ARHGEF28: variants seen among roughly 807,000 people sequenced by gnomAD.
ARHGEF28 encodes the protein 190 kDa guanine nucleotide exchange factor.
In ARHGEF28, 152 loss-of-function variants were observed where a neutral mutation model predicts 206.6. The ratio of observed to expected loss-of-function variants is 0.74; its 90% CI spans 0.64 to 0.84. The LOEUF (loss-of-function observed/expected upper bound fraction) is 0.84. Among genes scored for constraint, ARHGEF28 ranks in the 40% least tolerant of loss-of-function variants. The probability of loss-of-function intolerance (pLI) is 0.00; values close to 1 mark genes in which losing one functional copy is unlikely to be tolerated. For missense variants in ARHGEF28, 2,028 were observed against 2,073.2 expected (o/e 0.98, Z 0.42); for synonymous variants, 763 against 776.4 (o/e 0.98, Z 0.29).
At chr5:73,807,144 T>TTAGGC (rs1343602891) in intron 9 of ARHGEF28, among the ~76,000 whole-genome samples, 1 of 151,740 alleles carries the variant, frequency 6.6e-6, no homozygotes, top group African/African-American at 2.4e-5. Flanking sequence ...TTCTTTCTCC[T>TTAGGC]TAGGCTATAC....
At chr5:73,847,690 T>C (rs1758449876) in intron 12 of ARHGEF28, among the ~76,000 whole-genome samples, 2 of 152,246 alleles carry the variant, frequency 1.3e-5, no homozygotes, top group Non-Finnish European at 2.9e-5. Flanking sequence ...ACCATAAATA[T>C]ATCTGCCTTG....
At chr5:73,810,154 A>G (rs1045082257) in intron 9 of ARHGEF28, among the ~76,000 whole-genome samples, 1 of 152,224 alleles carries the variant, frequency 6.6e-6, no homozygotes, top group African/African-American at 2.4e-5. Flanking sequence ...TTCACTTTCT[A>G]GTTGTATGTT....
intron 9 of ARHGEF28, among the ~76,000 whole-genome samples, chr5:73,817,947 G>A (rs1009374868): frequency 2.4e-4 from 37 of 152,182 alleles, no homozygotes; most frequent in African/African-American, 8.7e-4. Flanking sequence ...GGAGGAGCAA[G>A]ATGGTAGGGT....
intron 2 of ARHGEF28, among the ~76,000 whole-genome samples, chr5:73,722,434 G>T (rs905082083): frequency 1.3e-5 from 2 of 152,244 alleles, no homozygotes; most frequent in Non-Finnish European, 2.9e-5. Flanking sequence ...AAATGTTTGT[G>T]CTATGGATGA....
intron 2 of ARHGEF28, among the ~76,000 whole-genome samples, chr5:73,706,265 A>G (rs1748922749): frequency 6.6e-6 from 1 of 152,142 alleles, no homozygotes; most frequent in Non-Finnish European, 1.5e-5. Context: ...AATCGCTTGA[A>G]TCCGGGAGGC....
intron 16 of ARHGEF28, 75 bp downstream of exon 16, chr5:73,858,294 C>A: frequency 1.3e-6 from 2 of 1,491,188 alleles, no homozygotes; most frequent in South Asian, 2.9e-5. Flanking sequence ...GCTCATTGCT[C>A]AATACATTTA....
chr5:73,633,833 T>A (rs1175449232), intron 1 of ARHGEF28, among the ~76,000 whole-genome samples: 1 of 152,126 alleles, frequency 6.6e-6, no homozygotes, highest in East Asian at 1.9e-4. Context: ...CCCGTTGGCC[T>A]CCCAACGTGC....
chr5:73,662,485 C>A (rs1353079086), intron 1 of ARHGEF28, among the ~76,000 whole-genome samples: 1 of 152,080 alleles, frequency 6.6e-6, no homozygotes, highest in Non-Finnish European at 1.5e-5. Flanking sequence ...AAAGAGAAAA[C>A]CTTATTCTTT....
intron 35 of ARHGEF28, among the ~76,000 whole-genome samples, chr5:73,920,825 C>G (rs1763483665): frequency 6.6e-6 from 1 of 152,102 alleles, no homozygotes; most frequent in African/African-American, 2.4e-5. Context: ...AAATGTGTTT[C>G]CCATAAAATG....
intron 7 of ARHGEF28, among the ~76,000 whole-genome samples, chr5:73,792,975 T>G (rs922863228): frequency 1.3e-5 from 2 of 152,198 alleles, no homozygotes; most frequent in Admixed American, 1.3e-4. Context: ...CCGGCAGGGA[T>G]GCTGTGTACA....
chr5:73,770,420 G>A (rs1753159604), intron 4 of ARHGEF28, among the ~76,000 whole-genome samples: 1 of 152,142 alleles, frequency 6.6e-6, no homozygotes, highest in African/African-American at 2.4e-5. Flanking sequence ...CTCTCATGAT[G>A]TTATAGGTCG....
At chr5:73,698,851 G>A (rs1362991004) in intron 2 of ARHGEF28, among the ~76,000 whole-genome samples, 1 of 151,696 alleles carries the variant, frequency 6.6e-6, no homozygotes, top group Non-Finnish European at 1.5e-5. Context: ...GAGAAGGCGT[G>A]GTCTGAGAGA....
chr5:73,877,606 A>G (rs1170928862), intron 22 of ARHGEF28, among the ~76,000 whole-genome samples: 3 of 146,976 alleles, frequency 2.0e-5, no homozygotes, highest in Admixed American at 2.0e-4. Context: ...TGTCCCAGAG[A>G]TTCTGGTATG....
intron 4 of ARHGEF28, among the ~76,000 whole-genome samples, chr5:73,765,352 T>C (rs1561388062): frequency 6.6e-6 from 1 of 152,220 alleles, no homozygotes; most frequent in Admixed American, 6.5e-5. Context: ...TTTGACCTTT[T>C]CCTGGGCTAG....
At chr5:73,806,950 A>T (rs1174848644) in intron 9 of ARHGEF28, among the ~76,000 whole-genome samples, 1 of 148,314 alleles carries the variant, frequency 6.7e-6, no homozygotes, top group Non-Finnish European at 1.5e-5. Context: ...TTATATATAC[A>T]ATATTAAATC....
intron 4 of ARHGEF28, among the ~76,000 whole-genome samples, chr5:73,756,516 G>A (rs1394700827): frequency 6.6e-6 from 1 of 152,224 alleles, no homozygotes; most frequent in Admixed American, 6.5e-5. Context: ...TAATGCTCAT[G>A]TTTGAAGTCG....
At chr5:73,679,050 G>T (rs781199623) in intron 1 of ARHGEF28, among the ~76,000 whole-genome samples, 1 of 152,052 alleles carries the variant, frequency 6.6e-6, no homozygotes, top group East Asian at 1.9e-4. Context: ...CACCGTGCCC[G>T]GTTAATTTCA....
At chr5:73,749,153 A>T (rs928394316) in intron 2 of ARHGEF28, among the ~76,000 whole-genome samples, 5 of 152,160 alleles carry the variant, frequency 3.3e-5, no homozygotes, top group Admixed American at 6.5e-5. Context: ...CCCCTCAGAG[A>T]AGAGAAATAG....
chr5:73,739,250 C>T lies in ARHGEF28; in HGVS notation c.34-10587C>T, dbSNP rs116776004. On this transcript the variant is annotated intron_variant, in intron 2 of 35. Transcript: ENST00000513042. ...TGTCAATTCGATGGAAAAATGACAACCTGGCACTTTAGGTCCTCTCCAATG... is the reference window on the plus strand; with the variant it reads ...TGTCAATTCGATGGAAAAATGACAATCTGGCACTTTAGGTCCTCTCCAATG... 4.9e-3 allele frequency among the ~76,000 whole-genome samples: 746 copies of T among 152,132 alleles called. 5 individuals carry two copies. The highest frequency in any genetic ancestry group is 0.017 in the African/African-American group (702 of 41,506).
Sources: gnomAD v4.1 joint callset for allele counts (sites outside exome capture counted in the v4.1 genomes callset) on GRCh38, gnomAD v4.1.1 for gene constraint, MANE v1.5 for transcripts, NCBI Gene and HGNC (gene_info 2026-07-23, HGNC 2026-07-21) for gene names.